Variants in ATE1 observed in about 807,000 individuals in gnomAD.
ATE1 encodes the protein arginyl-tRNA--protein transferase 1.
A neutral mutation model predicts 70.5 loss-of-function variants in ATE1; 36 were observed. That is an observed-to-expected ratio of 0.51 (90% CI 0.39 to 0.67). The LOEUF is 0.67. ATE1 is among the 30% of genes least tolerant of loss of function. The pLI is 0.00. For synonymous variants in ATE1, 232 were observed against 219.3 expected (o/e 1.06, Z -0.51); for missense variants, 593 against 629.5 (o/e 0.94, Z 0.62).
chr10:121,869,488 A>T (rs1000846346), intron 8 of ATE1, among the ~76,000 whole-genome samples: 2 of 152,252 alleles, frequency 1.3e-5, no homozygotes, highest in Admixed American at 6.5e-5. Context: ...GATGAGGATT[A>T]AATGAAAAAG....
At chr10:121,842,955 A>G (rs754242978) in intron 8 of ATE1, among the ~76,000 whole-genome samples, 1 of 152,204 alleles carries the variant, frequency 6.6e-6, no homozygotes, top group African/African-American at 2.4e-5. Context: ...CTCCTAGTCA[A>G]CATCATATTA....
At chr10:121,924,989 T>C (rs1952030550) in intron 1 of ATE1, among the ~76,000 whole-genome samples, 1 of 152,230 alleles carries the variant, frequency 6.6e-6, no homozygotes, top group African/African-American at 2.4e-5. Flanking sequence ...AACATGCTGG[T>C]CTCTTCAGAA....
In ATE1 at chr10:121,781,690, A is replaced by G. The variant is rs116435283; in HGVS notation, c.1378+8479T>C. Among the ~76,000 whole-genome samples the G allele has an allele frequency of 7.7e-3, 1,173 of 152,348 alleles. 12 individuals carry two copies. Among genetic ancestry groups the G allele is most frequent in the African/African-American group, 0.027 (1,132 of 41,578 alleles). On this transcript the variant is annotated intron_variant, in intron 11 of 11. Transcript: ENST00000224652. ...ACTAAGCTAAGACAGTCTCCTTAAC[A>G]TGAGAAGTGCTCAGAACTTTACTAT...
chr10:121,743,416 C>T lies in ATE1; in HGVS notation c.*264G>A. The T allele has an allele frequency of 2.3e-6, 1 of 443,612 alleles. No individual in the cohort carries two copies. Among genetic ancestry groups the T allele is most frequent in the East Asian group, 5.7e-5 (1 of 17,638 alleles). The allele number at this position is 443,612 out of a possible 1,614,324, so 27.5% of individuals were successfully genotyped here. A position where few individuals can be genotyped will look rare whatever the true frequency, so the allele number is the denominator to read the frequency against. ...CAAAATACAAACAGGAGAATTTGAG[C>T]GTATCTTGCTCTAGAAAGAATCCTC... On this transcript the variant is annotated 3_prime_UTR_variant, in exon 12 of 12. Coordinates refer to ENST00000224652, the MANE Select transcript of ATE1 (RefSeq NM_001001976.3).
At chr10:121,860,175 G>A (rs1329022748) in intron 8 of ATE1, among the ~76,000 whole-genome samples, 1 of 152,106 alleles carries the variant, frequency 6.6e-6, no homozygotes. Context: ...TAGTTTTGAG[G>A]GACCTCTTTA....
chr10:121,892,240 C>T (rs904707935), intron 7 of ATE1, among the ~76,000 whole-genome samples: 1 of 147,978 alleles, frequency 6.8e-6, no homozygotes, highest in Non-Finnish European at 1.5e-5. Context: ...AAAACACGAC[C>T]GGTGAAGAAT....
intron 10 of ATE1, among the ~76,000 whole-genome samples, chr10:121,800,295 T>C (rs983774729): frequency 1.3e-5 from 2 of 152,250 alleles, no homozygotes; most frequent in South Asian, 4.1e-4. Flanking sequence ...CATATGATAT[T>C]CAACCAAGTT....
rs1009223315 is a variant in ATE1, at chr10:121,743,521, G to A, written c.*159C>T. 1.3e-5 allele frequency: 17 copies of A among 1,309,438 alleles called. No homozygotes were observed. Among genetic ancestry groups the A allele is most frequent in the Admixed American group, 1.1e-4 (3 of 27,980 alleles). The allele number at this position is 1,309,438 out of a possible 1,614,324, so 81.1% of individuals were successfully genotyped here. ...TTATATTAACTATGAGATTCTCACA[G>A]ATACATTGCCACAAAATATTTTTTA... On this transcript the variant is annotated 3_prime_UTR_variant, in exon 12 of 12. Coordinates refer to ENST00000224652, the MANE Select transcript of ATE1 (RefSeq NM_001001976.3).
At chr10:121,822,466 GCTCA>G (rs904136545) in intron 10 of ATE1, among the ~76,000 whole-genome samples, 2 of 152,106 alleles carry the variant, frequency 1.3e-5, no homozygotes, top group African/African-American at 4.8e-5. Context: ...GCACAGGTGT[GCTCA>G]CTTTGTGAAA....
At chr10:121,799,564 C>A (rs1041512353) in intron 10 of ATE1, among the ~76,000 whole-genome samples, 5 of 152,108 alleles carry the variant, frequency 3.3e-5, no homozygotes, top group Non-Finnish European at 7.4e-5. Context: ...AAATGAGAAA[C>A]AACTGTTTCA....
intron 7 of ATE1, among the ~76,000 whole-genome samples, chr10:121,870,519 GAGA>G (rs1439778627): frequency 6.6e-6 from 1 of 152,166 alleles, no homozygotes; most frequent in African/African-American, 2.4e-5. Flanking sequence ...GAGTGAGAAT[GAGA>G]AGAAGGTGAG....
At chr10:121,915,348 A>G (rs548699851) in intron 3 of ATE1, among the ~76,000 whole-genome samples, 1 of 152,312 alleles carries the variant, frequency 6.6e-6, no homozygotes, top group African/African-American at 2.4e-5. Context: ...TCTGCAAAAA[A>G]GATGAAAAAC....
chr10:121,776,423 G>A (rs1945744002), intron 11 of ATE1, among the ~76,000 whole-genome samples: 1 of 152,088 alleles, frequency 6.6e-6, no homozygotes, highest in African/African-American at 2.4e-5. Context: ...GAAATAAGAT[G>A]ATACATGATA....
chr10:121,784,815 C>T (rs1001046069), intron 11 of ATE1, among the ~76,000 whole-genome samples: 2 of 151,974 alleles, frequency 1.3e-5, no homozygotes, highest in African/African-American at 2.4e-5. Flanking sequence ...GCTGGTATCA[C>T]GCCACTGCAC....
rs371014661 is a variant in ATE1 at position 121,911,442 on chromosome 10, T to TAAA, written c.338-294_338-292dup. ...GTGAGACACTATCTCTACAGTAAATTAAAAAAAAAAAAAAAAAACAAAAAC... is the reference window on the plus strand; with the variant it reads ...GTGAGACACTATCTCTACAGTAAATTAAAAAAAAAAAAAAAAAAAAACAAAAAC... On this transcript the variant is annotated intron_variant, in intron 4 of 11. Transcript: ENST00000224652. Among the ~76,000 whole-genome samples the TAAA allele has an allele frequency of 2.9e-4, 37 of 128,318 alleles. 2 individuals carry two copies. Among genetic ancestry groups the TAAA allele is most frequent in the East Asian group, 2.0e-3 (9 of 4,454 alleles). The allele number at this position is 128,318 out of a possible 152,430, so 84.2% of individuals were successfully genotyped here.
intron 10 of ATE1, among the ~76,000 whole-genome samples, chr10:121,830,476 T>C (rs1948195047): frequency 1.3e-5 from 2 of 152,156 alleles, no homozygotes; most frequent in Admixed American, 1.3e-4. Context: ...CAGATGCAAG[T>C]GCCATGCCCT....
intron 3 of ATE1, among the ~76,000 whole-genome samples, 198 bp downstream of exon 3, chr10:121,922,151 A>G (rs1033512650): frequency 6.6e-6 from 1 of 152,194 alleles, no homozygotes; most frequent in Admixed American, 6.5e-5. Flanking sequence ...TGAACCAATC[A>G]AACAATATTA....
At position 121,806,420 on chromosome 10, in the gene ATE1, T is replaced by C. The variant is rs115454654; in HGVS notation, c.1258-16131A>G. 4.8e-3 allele frequency among the ~76,000 whole-genome samples: 735 copies of C among 152,252 alleles called. 7 individuals are homozygous for C. Among genetic ancestry groups the C allele is most frequent in the African/African-American group, 0.017 (694 of 41,534 alleles). Reference sequence around the variant, plus strand: ...GTTAGCTGTATTCACACCACTGTACTTTAGTCTGGGTGACCGAGTGAGACC... The same window carrying C: ...GTTAGCTGTATTCACACCACTGTACCTTAGTCTGGGTGACCGAGTGAGACC... On this transcript the variant is annotated intron_variant, in intron 10 of 11. Transcript: ENST00000224652.
intron 7 of ATE1, among the ~76,000 whole-genome samples, chr10:121,885,432 T>C (rs1950358733): frequency 6.6e-6 from 1 of 150,906 alleles, no homozygotes; most frequent in South Asian, 2.1e-4. Context: ...TAGCCAGGCA[T>C]GGTGGTGGGC....
Sources: gnomAD v4.1 joint callset for allele counts (sites outside exome capture counted in the v4.1 genomes callset) on GRCh38, gnomAD v4.1.1 for gene constraint, MANE v1.5 for transcripts, NCBI Gene and HGNC (gene_info 2026-07-23, HGNC 2026-07-21) for gene names.